RAB11FIP4: variants seen among roughly 807,000 people sequenced by gnomAD.
RAB11FIP4 encodes RAB11 family interacting protein 4, also known as rab11 family-interacting protein 4.
A neutral mutation model predicts 74.3 loss-of-function variants in RAB11FIP4; 23 were observed. The ratio of observed to expected loss-of-function variants is 0.31; its 90% confidence interval spans 0.22 to 0.44. The LOEUF (loss-of-function observed/expected upper bound fraction) is 0.44. Among genes scored for constraint, RAB11FIP4 ranks in the 20% least tolerant of loss-of-function variants. The pLI, the probability that RAB11FIP4 is intolerant of heterozygous loss-of-function variation, is 1.00. For missense variants in RAB11FIP4, 630 were observed against 863.9 expected, an observed-to-expected ratio of 0.73 and a Z score of 3.39; for synonymous variants, 360 against 359.9, an observed-to-expected ratio of 1.00 and a Z score of 0.00.
chr17:31,530,584 T>C, intron 14 of RAB11FIP4, 115 bp downstream of exon 14: 1 of 1,349,258 alleles, frequency 7.4e-7, no homozygotes, highest in Non-Finnish European at 1.0e-6. Context: ...GAGAGTCCCA[T>C]CTACAGCTAC....
intron 3 of RAB11FIP4, among the ~76,000 whole-genome samples, chr17:31,449,410 C>T (rs916303247): frequency 2.6e-5 from 4 of 152,182 alleles, no homozygotes; most frequent in African/African-American, 4.8e-5. Flanking sequence ...GACCACACAT[C>T]CTGGCTTTCT....
intron 3 of RAB11FIP4, among the ~76,000 whole-genome samples, chr17:31,452,729 T>C (rs1056984510): frequency 5.9e-5 from 9 of 152,240 alleles, no homozygotes; most frequent in African/African-American, 2.2e-4. Flanking sequence ...TAGCAGTCAC[T>C]GTCACCTCCG....
At chr17:31,467,377 C>T (rs2071695861) in intron 3 of RAB11FIP4, among the ~76,000 whole-genome samples, 1 of 152,154 alleles carries the variant, frequency 6.6e-6, no homozygotes. Context: ...CCTCTGCCTC[C>T]CAAAGTGCTG....
intron 6 of RAB11FIP4, 34 bp downstream of exon 6, chr17:31,522,083 C>G (rs185536384): frequency 1.9e-6 from 3 of 1,612,820 alleles, no homozygotes; most frequent in Non-Finnish European, 1.7e-6. Flanking sequence ...GGTGAGAGGC[C>G]GGGGGGCCAG....
chr17:31,422,917 CTTTT>C lies in RAB11FIP4; in HGVS notation c.160-8879_160-8876del, dbSNP rs35668224. On this transcript the variant is annotated intron_variant, in intron 1 of 14. Coordinates refer to ENST00000621161, the MANE Select transcript of RAB11FIP4 (RefSeq NM_032932.6). The stretch of plus-strand genomic sequence containing the variant: ...GCATTGGTATCTATCTATTGATTGC[CTTTT>C]TTTTTTTTTTTTTTTTGAGACGGAG... Among the ~76,000 whole-genome samples the C allele has an allele frequency of 2.4e-5, 3 of 126,418 alleles. No homozygotes were observed. The East Asian group carries it at 6.5e-4, about 27-fold the overall frequency. 82.9% of individuals were successfully genotyped at this position (126,418 alleles called of 152,430 possible).
At chr17:31,450,365 G>A (rs571816404) in intron 3 of RAB11FIP4, among the ~76,000 whole-genome samples, 1 of 123,836 alleles carries the variant, frequency 8.1e-6, no homozygotes, top group Non-Finnish European at 1.8e-5. Flanking sequence ...TTATTATTGA[G>A]ACAGAGTCTC....
At chr17:31,426,620 C>T (rs1425275463) in intron 1 of RAB11FIP4, among the ~76,000 whole-genome samples, 16 of 72,670 alleles carry the variant, frequency 2.2e-4, no homozygotes, top group Admixed American at 1.3e-3. Context: ...TTTTTTGAGA[C>T]GGAATTTTGC....
intron 3 of RAB11FIP4, among the ~76,000 whole-genome samples, chr17:31,457,549 G>A (rs764144976): frequency 3.3e-5 from 5 of 152,062 alleles, no homozygotes; most frequent in South Asian, 4.1e-4. Flanking sequence ...CCCTTTCTCC[G>A]GGGTGGGGCG....
chr17:31,450,156 C>G (rs2071510839), intron 3 of RAB11FIP4, among the ~76,000 whole-genome samples: 1 of 152,022 alleles, frequency 6.6e-6, no homozygotes, highest in Non-Finnish European at 1.5e-5. Flanking sequence ...CTTCCCCTGC[C>G]ATTCTCAGCC....
At chr17:31,433,881 C>T (rs2071333174) in intron 2 of RAB11FIP4, among the ~76,000 whole-genome samples, 153 bp from the exon 3 acceptor site, 1 of 152,212 alleles carries the variant, frequency 6.6e-6, no homozygotes, top group South Asian at 2.1e-4. Flanking sequence ...CGCCTGGGCT[C>T]CATCCCTGCC....
intron 2 of RAB11FIP4, among the ~76,000 whole-genome samples, chr17:31,433,069 C>T (rs1334113086): frequency 1.3e-5 from 2 of 152,012 alleles, no homozygotes; most frequent in Non-Finnish European, 2.9e-5. Flanking sequence ...TCACCTGAGC[C>T]CAGGAAGTTG....
At chr17:31,463,933 C>T (rs1210198494) in intron 3 of RAB11FIP4, among the ~76,000 whole-genome samples, 3 of 147,280 alleles carry the variant, frequency 2.0e-5, no homozygotes, top group African/African-American at 7.5e-5. Flanking sequence ...ATGCCTCTGC[C>T]TAATGAGTAG....
At chr17:31,399,067 G>A (rs1419162250) in intron 1 of RAB11FIP4, among the ~76,000 whole-genome samples, 1 of 152,138 alleles carries the variant, frequency 6.6e-6, no homozygotes, top group Non-Finnish European at 1.5e-5. Flanking sequence ...ATGGAGGAGG[G>A]GTTCTGCCTC....
At chr17:31,443,414 G>T (rs535252576) in intron 3 of RAB11FIP4, among the ~76,000 whole-genome samples, 1 of 152,200 alleles carries the variant, frequency 6.6e-6, no homozygotes, top group African/African-American at 2.4e-5. Flanking sequence ...GCTTATAAAT[G>T]CTTTCCCGCC....
At chr17:31,403,641 T>C (rs899658773) in intron 1 of RAB11FIP4, among the ~76,000 whole-genome samples, 5 of 152,116 alleles carry the variant, frequency 3.3e-5, no homozygotes, top group African/African-American at 7.2e-5. Flanking sequence ...TATTTCTTAA[T>C]CCCTTTCGTC....
chr17:31,393,925 C>T (rs1416948282), intron 1 of RAB11FIP4, among the ~76,000 whole-genome samples: 1 of 152,114 alleles, frequency 6.6e-6, no homozygotes, highest in Non-Finnish European at 1.5e-5. Context: ...TATATTAGCC[C>T]CAAGACCTCA....
intron 3 of RAB11FIP4, among the ~76,000 whole-genome samples, chr17:31,471,235 T>TA (rs1358947633): frequency 4.0e-5 from 6 of 151,326 alleles, no homozygotes; most frequent in Admixed American, 6.6e-5. Flanking sequence ...GCTAATTTTT[T>TA]TTTTTTTTTT....
At chr17:31,445,543 T>C (rs1223546232) in intron 3 of RAB11FIP4, among the ~76,000 whole-genome samples, 15 of 7,582 alleles carry the variant, frequency 2.0e-3, no homozygotes, top group African/African-American at 6.5e-3. Context: ...TATATATATA[T>C]ATATATATAT....
chr17:31,478,319 T>C (rs2071814932), intron 3 of RAB11FIP4, among the ~76,000 whole-genome samples: 1 of 152,130 alleles, frequency 6.6e-6, no homozygotes, highest in African/African-American at 2.4e-5. Context: ...AAGATGAACA[T>C]AACGTCTGCC....
Sources: allele counts gnomAD v4.1 joint callset (sites outside exome capture counted in the v4.1 genomes callset), GRCh38; gene constraint gnomAD v4.1.1; transcripts MANE v1.5; gene names NCBI Gene and HGNC (gene_info 2026-07-23, HGNC 2026-07-21).